Variants in COL25A1 observed in about 807,000 individuals in gnomAD.
The protein encoded by COL25A1 is collagen type XXV alpha 1 chain.
A neutral mutation model predicts 128.4 loss-of-function variants in COL25A1; 103 were observed. The ratio of observed to expected loss-of-function variants is 0.80; its 90% CI spans 0.68 to 0.94. The LOEUF (loss-of-function observed/expected upper bound fraction) is 0.94, where lower values mean the gene tolerates loss of function less well. COL25A1 is among the 40% of genes least tolerant of loss of function. The probability of loss-of-function intolerance (pLI) is 0.00; values close to 1 mark genes in which losing one functional copy is unlikely to be tolerated. For synonymous variants in COL25A1, 279 were observed against 277.2 expected, an observed-to-expected ratio of 1.01 and a Z score of -0.06; for missense variants, 745 against 840.0, an observed-to-expected ratio of 0.89 and a Z score of 1.40.
intron 3 of COL25A1, among the ~76,000 whole-genome samples, chr4:109,144,521 G>C (rs1176717935): frequency 1.3e-5 from 2 of 152,200 alleles, no homozygotes; most frequent in East Asian, 3.9e-4. Flanking sequence ...CAGGTGTTCT[G>C]TGCAAGGAAG....
chr4:109,164,951 C>T (rs1158321049), intron 3 of COL25A1, among the ~76,000 whole-genome samples: 1 of 152,120 alleles, frequency 6.6e-6, no homozygotes, highest in Non-Finnish European at 1.5e-5. Context: ...GTTTCCCAAA[C>T]CATTGAGCTC....
intron 3 of COL25A1, among the ~76,000 whole-genome samples, chr4:109,227,258 CA>C (rs59584294): frequency 2.2e-3 from 333 of 150,424 alleles, no homozygotes; most frequent in East Asian, 0.013. Flanking sequence ...AAATTCGCAG[CA>C]AAAAAAAATG....
intron 8 of COL25A1, among the ~76,000 whole-genome samples, chr4:108,958,161 A>C (rs1750285895): frequency 6.6e-6 from 1 of 152,138 alleles, no homozygotes; most frequent in Non-Finnish European, 1.5e-5. Context: ...AAAAAAAATC[A>C]AATAATACTG....
At chr4:109,050,060 C>T (rs1463642614) in intron 4 of COL25A1, 75 bp downstream of exon 4, 4 of 1,204,222 alleles carry the variant, frequency 3.3e-6, no homozygotes, top group Non-Finnish European at 4.8e-6. Flanking sequence ...ACAATATTAT[C>T]ATTAATTAGG....
At chr4:109,286,120 A>C (rs1723868070) in intron 3 of COL25A1, among the ~76,000 whole-genome samples, 1 of 152,226 alleles carries the variant, frequency 6.6e-6, no homozygotes, top group African/African-American at 2.4e-5. Flanking sequence ...AATAGTGTAT[A>C]GCCTTCAAAA....
At chr4:109,012,359 C>T (rs1561022589) in intron 5 of COL25A1, among the ~76,000 whole-genome samples, 1 of 152,228 alleles carries the variant, frequency 6.6e-6, no homozygotes, top group Non-Finnish European at 1.5e-5. Flanking sequence ...TCGGCCTTGG[C>T]GTTCGCTCTG....
chr4:109,171,423 G>T (rs533905007), intron 3 of COL25A1, among the ~76,000 whole-genome samples: 4 of 152,116 alleles, frequency 2.6e-5, no homozygotes, highest in Admixed American at 2.0e-4. Context: ...CACATGAATG[G>T]GAATAGCACC....
At chr4:109,260,180 T>C (rs571550150) in intron 3 of COL25A1, among the ~76,000 whole-genome samples, 19 of 152,232 alleles carry the variant, frequency 1.2e-4, no homozygotes, top group African/African-American at 4.6e-4. Flanking sequence ...AGATATCATA[T>C]TGTAAGTTCT....
chr4:108,908,211 G>A (rs1743760305), intron 13 of COL25A1, among the ~76,000 whole-genome samples: 1 of 152,098 alleles, frequency 6.6e-6, no homozygotes, highest in Non-Finnish European at 1.5e-5. Flanking sequence ...TTCTTCACCA[G>A]TTTCCTCAAG....
intron 3 of COL25A1, among the ~76,000 whole-genome samples, chr4:109,250,480 C>T (rs1453922584): frequency 6.6e-6 from 1 of 151,716 alleles, no homozygotes. Flanking sequence ...CTACAACTGG[C>T]AAGCTGGAGA....
chr4:109,296,049 T>G (rs1724949013), intron 3 of COL25A1, among the ~76,000 whole-genome samples: 1 of 152,020 alleles, frequency 6.6e-6, no homozygotes, highest in Non-Finnish European at 1.5e-5. Flanking sequence ...AACCTAACTC[T>G]CCCTATTTTC....
intron 3 of COL25A1, among the ~76,000 whole-genome samples, chr4:109,281,458 G>T (rs183550494): frequency 1.2e-4 from 17 of 146,890 alleles, no homozygotes; most frequent in Admixed American, 4.7e-4. Context: ...GATTTTTTTT[G>T]AGTGGGAGGG....
At chr4:109,004,908 C>T (rs769291025) in intron 6 of COL25A1, among the ~76,000 whole-genome samples, 5 of 151,500 alleles carry the variant, frequency 3.3e-5, no homozygotes, top group African/African-American at 9.7e-5. Context: ...TCAGCCTATG[C>T]GAGACAATTC....
chr4:109,223,919 A>G (rs1041508765), intron 3 of COL25A1, among the ~76,000 whole-genome samples: 10 of 152,228 alleles, frequency 6.6e-5, no homozygotes, highest in Admixed American at 1.3e-4. Flanking sequence ...TGAATTACAT[A>G]TCTAAGAAGT....
chr4:108,813,490 TG>T lies in COL25A1; in HGVS notation c.*436del, dbSNP rs1367348475. The T allele has an allele frequency of 6.4e-6, 1 of 157,012 alleles. No homozygotes were observed. The highest frequency in any genetic ancestry group is 2.4e-5 in the African/African-American group (1 of 41,638). 9.7% of individuals were successfully genotyped at this position (157,012 alleles called of 1,614,324 possible). A position where few individuals can be genotyped will look rare whatever the true frequency, so the allele number is the denominator to read the frequency against. On this transcript the variant is annotated 3_prime_UTR_variant, in exon 38 of 38. Coordinates refer to ENST00000399132, the MANE Select transcript of COL25A1 (RefSeq NM_198721.4). ...TATGAGTCAACGCCGACATGAAAGG[TG>T]AATGGGAATGTGATAATCAGCTCTA...
intron 3 of COL25A1, among the ~76,000 whole-genome samples, chr4:109,065,545 C>CGCGCGTGTGT (rs771855567): frequency 2.0e-4 from 28 of 141,130 alleles, no homozygotes; most frequent in African/African-American, 5.9e-4. Context: ...CGCGCGCGCG[C>CGCGCGTGTGT]GTGTGTGTGT....
At chr4:109,219,152 G>A (rs983137726) in intron 3 of COL25A1, among the ~76,000 whole-genome samples, 4 of 152,098 alleles carry the variant, frequency 2.6e-5, no homozygotes, top group Non-Finnish European at 4.4e-5. Flanking sequence ...AAGTAAGTCA[G>A]TCTGGAAGGC....
rs1443904108 is a variant in COL25A1, at chr4:108,824,334, G to A, written c.1792-107C>T. On this transcript the variant is annotated intron_variant, in intron 34 of 37. Transcript: ENST00000399132. ...ACATTTCTGAGCTTAAATATAACAA[G>A]AAATGGCTCACCAGTGTTAAGACTT... 1.3e-5 allele frequency: 10 copies of A among 766,562 alleles called. No homozygotes were observed. In the East Asian group the frequency reaches 2.3e-4, roughly 18 times the overall value. The allele number at this position is 766,562 out of a possible 1,614,324, so 47.5% of individuals were successfully genotyped here.
intron 5 of COL25A1, among the ~76,000 whole-genome samples, chr4:109,015,297 T>G (rs1023081491): frequency 2.8e-4 from 42 of 152,206 alleles, no homozygotes; most frequent in African/African-American, 9.4e-4. Flanking sequence ...AATTTAAAGG[T>G]AGTGACCACT....
Sources: allele counts gnomAD v4.1 joint callset (sites outside exome capture counted in the v4.1 genomes callset), GRCh38; gene constraint gnomAD v4.1.1; transcripts MANE v1.5; gene names NCBI Gene and HGNC (gene_info 2026-07-23, HGNC 2026-07-21).